The following KIT variants were observed in gnomAD, a reference collection of about 807,000 sequenced individuals.
The protein encoded by KIT is mast/stem cell growth factor receptor Kit.
KIT carries 16 observed loss-of-function variants against 105.7 expected under a neutral mutation model. The ratio of observed to expected loss-of-function variants is 0.15; its 90% CI spans 0.10 to 0.23. The LOEUF (loss-of-function observed/expected upper bound fraction) is 0.23. KIT is among the 10% of genes least tolerant of loss of function. KIT has a pLI of 1.00. For missense variants in KIT, 858 were observed against 1,213.8 expected, an observed-to-expected ratio of 0.71 and a Z score of 4.36; for synonymous variants, 438 against 441.1, an observed-to-expected ratio of 0.99 and a Z score of 0.09.
At chr4:54,671,259 T>C (rs1350231873) in intron 1 of KIT, among the ~76,000 whole-genome samples, 2 of 152,180 alleles carry the variant, frequency 1.3e-5, no homozygotes, top group African/African-American at 4.8e-5. Context: ...TCCTTCTCCA[T>C]CAATTCTTGG....
chr4:54,660,010 A>G (rs941240189), intron 1 of KIT, among the ~76,000 whole-genome samples: 1 of 152,132 alleles, frequency 6.6e-6, no homozygotes, highest in Non-Finnish European at 1.5e-5. Flanking sequence ...TGGGAAACGC[A>G]GTGTCCTCCA....
intron 7 of KIT, 103 bp from the exon 8 acceptor site, chr4:54,723,481 C>A: frequency 1.3e-6 from 1 of 777,944 alleles, no homozygotes; most frequent in Non-Finnish European, 2.3e-6. Flanking sequence ...CCTCAGGCTA[C>A]TCAGCAGCCT....
intron 1 of KIT, among the ~76,000 whole-genome samples, chr4:54,687,420 G>A (rs747134691): frequency 3.3e-5 from 5 of 151,484 alleles, no homozygotes; most frequent in Admixed American, 6.6e-5. Context: ...CCTGGGCGAC[G>A]ACAGAGCAAG....
At chr4:54,685,695 C>T (rs1032810667) in intron 1 of KIT, among the ~76,000 whole-genome samples, 3 of 152,176 alleles carry the variant, frequency 2.0e-5, no homozygotes, top group African/African-American at 7.2e-5. Flanking sequence ...AGCCTCACAC[C>T]GGCAGCAATT....
rs111883329 is a variant in KIT at position 54,730,286 on chromosome 4, G to A, written c.2141+801G>A. Among the ~76,000 whole-genome samples the A allele has an allele frequency of 9.6e-3, 1,458 of 152,152 alleles. 27 individuals are homozygous for A. The highest frequency in any genetic ancestry group is 0.033 in the African/African-American group (1,360 of 41,528). On this transcript the variant is annotated intron_variant, in intron 14 of 20. Transcript: ENST00000288135. ...ATACTGTATATTGCTGCAGTTGTGT[G>A]GTAGATTTCTCCTATCCTTTTCATG...
chr4:54,709,719 C>T (rs1475781347), intron 7 of KIT, 180 bp downstream of exon 7: 6 of 668,894 alleles, frequency 9.0e-6, no homozygotes, highest in Non-Finnish European at 1.1e-5. Context: ...GTTCCTTGTC[C>T]TACATTTCAC....
Position 54,737,130 on chromosome 4 carries a change from G to T in KIT, c.2697-45G>T, listed in dbSNP as rs113737849. On this transcript the variant is annotated intron_variant, in intron 19 of 20. Coordinates refer to ENST00000288135, the MANE Select transcript of KIT (RefSeq NM_000222.3). ...TGGATGCCCATACATTTGAAAACAA[G>T]CTGAGGGCATTGAGGAGGGATAGTA... The T allele has an allele frequency of 3.0e-4, 385 of 1,276,532 alleles. 1 individual carries two copies. The African/African-American group carries it at 3.9e-3, about 13-fold the overall frequency. The allele number at this position is 1,276,532 out of a possible 1,614,324, so 79.1% of individuals were successfully genotyped here. A position where few individuals can be genotyped will look rare whatever the true frequency, so the allele number is the denominator to read the frequency against.
chr4:54,731,724 A>G (rs760220065), intron 15 of KIT, 147 bp from the exon 16 acceptor site: 25 of 828,960 alleles, frequency 3.0e-5, no homozygotes, highest in Non-Finnish European at 4.9e-5. Flanking sequence ...TTCAGCATCT[A>G]CCTTTCCTGG....
rs747253141 is a variant in KIT at position 54,658,070 on chromosome 4, G to A, written c.56G>A (p.Arg19His). Reference protein sequence around the residue: ...DFLCVLLLLLRVQTGSSQPSV... With the variant: ...DFLCVLLLLLHVQTGSSQPSV... Reference sequence around the variant, plus strand: ...CTCTGCGTTCTGCTCCTACTGCTTCGCGTCCAGACAGGTGGGACACCGCGG... The same window carrying A: ...CTCTGCGTTCTGCTCCTACTGCTTCACGTCCAGACAGGTGGGACACCGCGG... The change falls in exon 1 of 21, where the codon CGC becomes CAC. Residue 19 changes from arginine (R) to histidine (H), a missense_variant. Transcript: ENST00000288135. 7.4e-6 allele frequency: 12 copies of A among 1,613,854 alleles called. No homozygotes were observed. The East Asian group carries it at 2.5e-4, about 33-fold the overall frequency.
Position 54,695,683 on chromosome 4 carries a change from A to G in KIT, c.239A>G (p.Asn80Ser), listed in dbSNP as rs1268194684. 2 of 1,614,132 alleles carry G rather than the reference A, an allele frequency of 1.2e-6. No individual in the cohort carries two copies. The highest frequency in any genetic ancestry group is 1.3e-5 in the African/African-American group (1 of 74,952). Residue 80 changes from asparagine to serine, a missense_variant, in exon 2 of 21, where the codon AAT becomes AGT. Asn to Ser is a conservative substitution (Grantham distance 46). Around this residue, in one of 7 missense-constraint regions of KIT, gnomAD observed 401 missense variants for 601.0 expected, o/e 0.67. Coordinates refer to ENST00000288135, the MANE Select transcript of KIT (RefSeq NM_000222.3). ...GATGAAACGAATGAGAATAAGCAGA[A>G]TGAATGGATCACGGAAAAGGCAGAA... ...ILDETNENKQ[N>S]EWITEKAEAT...
intron 1 of KIT, among the ~76,000 whole-genome samples, chr4:54,689,331 A>G (rs1719533029): frequency 2.6e-5 from 4 of 152,232 alleles, no homozygotes; most frequent in Admixed American, 2.6e-4. Context: ...GTTTGGGGAT[A>G]AAACCAGATG....
intron 1 of KIT, among the ~76,000 whole-genome samples, chr4:54,683,363 G>A (rs554810080): frequency 5.9e-5 from 9 of 152,154 alleles, no homozygotes; most frequent in Non-Finnish European, 1.2e-4. Context: ...ATGGCCGGGC[G>A]CGGTGGCTCA....
chr4:54,704,910 A>G lies in KIT; in HGVS notation c.925+1018A>G, dbSNP rs151029025. ...AAAGCTTTGTGATTATCCCACAATA[A>G]TCTCGTAAAATTTTGGCGTTTCTGC... On this transcript the variant is annotated intron_variant, in intron 5 of 20. Transcript: ENST00000288135. Among the ~76,000 whole-genome samples the G allele has an allele frequency of 3.3e-3, 501 of 152,316 alleles. 3 individuals carry two copies. Among genetic ancestry groups the G allele is most frequent in the African/African-American group, 0.011 (477 of 41,564 alleles).
chr4:54,677,060 C>T (rs1718530969), intron 1 of KIT, among the ~76,000 whole-genome samples: 1 of 152,080 alleles, frequency 6.6e-6, no homozygotes, highest in Non-Finnish European at 1.5e-5. Context: ...TAAATATAAA[C>T]TCTATGGGTG....
In KIT at chr4:54,699,564, A is replaced by G. The variant is rs17084647; in HGVS notation, c.620-66A>G. On this transcript the variant is annotated intron_variant, in intron 3 of 20. Transcript: ENST00000288135. ...GTAAGCTGTACACATTTGAGGAGAAATGGTAAATCAAAATTTCATGCTATA... is the reference window on the plus strand; with the variant it reads ...GTAAGCTGTACACATTTGAGGAGAAGTGGTAAATCAAAATTTCATGCTATA... The G allele has an allele frequency of 3.7e-3, 5,859 of 1,565,620 alleles. 159 individuals carry two copies. The African/African-American group carries it at 0.064, about 17-fold the overall frequency.
rs1356154268 is a variant in KIT, at chr4:54,728,060, C to T, written c.1929C>T (p.Val643=). 6.2e-7 allele frequency: 1 copy of T among 1,614,036 alleles called. No individual in the cohort carries two copies. ...EREALMSELK[V]LSYLGNHMNI... ...AAGCCCTCATGTCTGAACTCAAAGT[C>T]CTGAGTTACCTTGGTAATCACATGA... The change falls in exon 13 of 21, where the codon GTC becomes GTT. Residue 643 remains valine, a synonymous_variant. Transcript: ENST00000288135.
intron 7 of KIT, among the ~76,000 whole-genome samples, chr4:54,717,335 A>G (rs1721571734): frequency 6.6e-6 from 1 of 152,142 alleles, no homozygotes; most frequent in South Asian, 2.1e-4. Flanking sequence ...TCCCTATCTC[A>G]TAAGAAAGTT....
chr4:54,677,491 C>T (rs1336522908), intron 1 of KIT, among the ~76,000 whole-genome samples: 2 of 152,114 alleles, frequency 1.3e-5, no homozygotes, highest in Non-Finnish European at 2.9e-5. Context: ...GGTCAGAAGC[C>T]AGCAGCCTGG....
chr4:54,732,871 A>T (rs1006150930), intron 16 of KIT, among the ~76,000 whole-genome samples, 199 bp from the exon 17 acceptor site: 1 of 152,226 alleles, frequency 6.6e-6, no homozygotes, highest in African/African-American at 2.4e-5. Context: ...AAAAGAGATT[A>T]TAATAATTAG....
Sources: allele counts gnomAD v4.1 joint callset (sites outside exome capture counted in the v4.1 genomes callset), GRCh38; gene constraint gnomAD v4.1.1; regional missense constraint gnomAD v4.1.1; transcripts MANE v1.5; gene names NCBI Gene and HGNC (gene_info 2026-07-23, HGNC 2026-07-21).